The following ZNF862 variants were observed in gnomAD, a reference collection of about 807,000 sequenced individuals.
ZNF862 encodes the protein zinc finger protein 862.
A neutral mutation model predicts 91.1 loss-of-function variants in ZNF862; 64 were observed. That is an observed-to-expected ratio of 0.70 (90% CI 0.57 to 0.87). ZNF862 has a LOEUF of 0.87. Ranked by LOEUF, ZNF862 falls within the 40% of genes least tolerant of loss-of-function variation. ZNF862 has a pLI of 0.00. For synonymous variants in ZNF862, 631 were observed against 618.1 expected, an observed-to-expected ratio of 1.02 and a Z score of -0.31; for missense variants, 1,459 against 1,528.0, an observed-to-expected ratio of 0.95 and a Z score of 0.75.
At chr7:149,854,061 A>G (rs1802170104) in intron 5 of ZNF862, among the ~76,000 whole-genome samples, 1 of 152,106 alleles carries the variant, frequency 6.6e-6, no homozygotes, top group Admixed American at 6.5e-5. Flanking sequence ...TAAATAACGT[A>G]TGTGGACATT....
At chr7:149,860,349 A>T (rs527744461) in intron 6 of ZNF862, 34 bp from the exon 7 acceptor site, 220 of 1,572,432 alleles carry the variant, frequency 1.4e-4, no homozygotes, top group Middle Eastern at 8.5e-4. Context: ...AGTTCTGGGT[A>T]GCAGAACCAA....
rs968568302 is a variant in ZNF862 at position 149,855,174 on chromosome 7, G to A, written c.1118-4248G>A. Among the ~76,000 whole-genome samples, 14 of 152,338 alleles carry A rather than the reference G, an allele frequency of 9.2e-5. No homozygotes were observed. The highest frequency in any genetic ancestry group is 4.6e-4 in the Admixed American group (7 of 15,304). On this transcript the variant is annotated intron_variant, in intron 5 of 7. Transcript: ENST00000223210. This position sits in a 1 kb window ranked among gnomAD's most constrained non-coding sequence, Gnocchi z 4.1. ...ATACGTATAGACCCAGCAGGAGAGC[G>A]TGCCTGTGAGCTCACAAGCATGCTG... is the stretch of plus-strand genomic sequence containing the variant.
At position 149,862,500 on chromosome 7, in the gene ZNF862, T is replaced by TA; in HGVS notation, c.3334+7dup. 6.4e-7 allele frequency: 1 copy of TA among 1,574,368 alleles called. No homozygotes were observed. The highest frequency in any genetic ancestry group is 1.2e-5 in the South Asian group (1 of 86,170). On this transcript the variant is annotated splice_region_variant and intron_variant, in intron 7 of 7. Coordinates refer to ENST00000223210, the MANE Select transcript of ZNF862 (RefSeq NM_001099220.3). ...GCCAGCCCGCTCCCCTGCAAGTAAG[T>TA]ACACGTGGCAGAGCTCCCCCAAGGC...
intron 5 of ZNF862, among the ~76,000 whole-genome samples, chr7:149,854,790 C>G (rs1802200065): frequency 6.6e-6 from 1 of 152,258 alleles, no homozygotes; most frequent in South Asian, 2.1e-4. Flanking sequence ...CCTCCGTGCT[C>G]AGGCCGGCAG....
intron 5 of ZNF862, among the ~76,000 whole-genome samples, chr7:149,854,561 T>G (rs1483458954): frequency 6.6e-6 from 1 of 152,224 alleles, no homozygotes; most frequent in Non-Finnish European, 1.5e-5. Flanking sequence ...TCATGTATTA[T>G]CTCACAACTC....
Position 149,860,958 on chromosome 7 carries a change from ACTCAG to A in ZNF862, c.1799_1803del (p.Thr600IlefsTer64). The A allele has an allele frequency of 6.2e-7, 1 of 1,613,720 alleles. No individual in the cohort carries two copies. The highest frequency in any genetic ancestry group is 1.7e-5 in the Admixed American group (1 of 59,994). ...CAAGTACCGCAATCGCACGGCGTGC[ACTCAG>A]TTCATCAAGTACATCTCAGAGACCC... is the stretch of plus-strand genomic sequence containing the variant. On this transcript the variant is annotated frameshift_variant, in exon 7 of 8. Coordinates refer to ENST00000223210, the MANE Select transcript of ZNF862 (RefSeq NM_001099220.3). LOFTEE classifies it high-confidence loss of function.
Position 149,850,048 on chromosome 7 carries a change from T to C in ZNF862, c.940-113T>C. 1 of 1,083,710 alleles carries C rather than the reference T, an allele frequency of 9.2e-7. No homozygotes were observed. Among genetic ancestry groups the C allele is most frequent in the Non-Finnish European group, 1.4e-6 (1 of 734,690 alleles). 67.1% of individuals were successfully genotyped at this position (1,083,710 alleles called of 1,614,324 possible). The stretch of plus-strand genomic sequence containing the variant: ...ATAAATTAATTCCTCTGAGTGCATC[T>C]GGGCCTCTTGGTGAGCTTCCCAGGA... On this transcript the variant is annotated intron_variant, in intron 4 of 7. Coordinates refer to ENST00000223210, the MANE Select transcript of ZNF862 (RefSeq NM_001099220.3). The surrounding 1 kb of genome is among the most constrained non-coding windows in gnomAD (Gnocchi z 4.2).
Position 149,864,341 on chromosome 7 carries a change from C to A in ZNF862, c.*57C>A. ...ACGCCTCTGTGATCACTGGGACAGGCTCTGCAGATTCTAGGCTGCCCTAGG... is the reference window on the plus strand; with the variant it reads ...ACGCCTCTGTGATCACTGGGACAGGATCTGCAGATTCTAGGCTGCCCTAGG... On this transcript the variant is annotated 3_prime_UTR_variant, in exon 8 of 8. Transcript: ENST00000223210. 1 of 1,509,476 alleles carries A rather than the reference C, an allele frequency of 6.6e-7. No individual in the cohort carries two copies. Among genetic ancestry groups the A allele is most frequent in the South Asian group, 1.3e-5 (1 of 78,994 alleles). The allele number at this position is 1,509,476 out of a possible 1,614,324, so 93.5% of individuals were successfully genotyped here.
At chr7:149,857,237 A>T (rs1337857611) in intron 5 of ZNF862, among the ~76,000 whole-genome samples, 1 of 151,948 alleles carries the variant, frequency 6.6e-6, no homozygotes, top group Non-Finnish European at 1.5e-5. Flanking sequence ...TCTTTCTTCC[A>T]GAAATTCCTT....
chr7:149,854,399 A>G (rs1245341024), intron 5 of ZNF862, among the ~76,000 whole-genome samples: 1 of 152,244 alleles, frequency 6.6e-6, no homozygotes, highest in Non-Finnish European at 1.5e-5. Context: ...GCTGGGCTAT[A>G]GAGACATTTT....
At chr7:149,860,360 G>A in intron 6 of ZNF862, 23 bp from the exon 7 acceptor site, 1 of 1,590,104 alleles carries the variant, frequency 6.3e-7, no homozygotes, top group Non-Finnish European at 8.6e-7. Context: ...GCAGAACCAA[G>A]CATGATTCAA....
At chr7:149,851,129 ACT>A (rs1174911443) in intron 5 of ZNF862, among the ~76,000 whole-genome samples, 2 of 152,106 alleles carry the variant, frequency 1.3e-5, no homozygotes, top group South Asian at 2.1e-4. Flanking sequence ...AGACAGTCTC[ACT>A]CTGTCGCCCA....
Position 149,860,000 on chromosome 7 carries a change from G to T in ZNF862, c.1223-383G>T, listed in dbSNP as rs187291986. ...CTGAGGCTTGTAAAAGCCTTGGCAG[G>T]TGTTTAACCTATTCTATTGTGGAGC... On this transcript the variant is annotated intron_variant, in intron 6 of 7. Transcript: ENST00000223210. The T allele has an allele frequency of 6.0e-4, 165 of 275,028 alleles. 2 individuals are homozygous for T. The highest frequency in any genetic ancestry group is 3.5e-3 in the African/African-American group (156 of 45,152). The allele number at this position is 275,028 out of a possible 1,614,324, so 17.0% of individuals were successfully genotyped here. A position where few individuals can be genotyped will look rare whatever the true frequency, so the allele number is the denominator to read the frequency against.
Position 149,838,637 on chromosome 7 carries a change from T to C in ZNF862, c.24+2T>C. Reference sequence around the variant, plus strand: ...ATGGAGCCCAGAGAGTCGGGGAAGGTAGGACTGGAAGGCCCGGGGGCCGCC... The same window carrying C: ...ATGGAGCCCAGAGAGTCGGGGAAGGCAGGACTGGAAGGCCCGGGGGCCGCC... On this transcript the variant is annotated splice_donor_variant, in intron 1 of 7. Transcript: ENST00000223210. LOFTEE classifies it high-confidence loss of function. The C allele has an allele frequency of 8.2e-7, 1 of 1,226,642 alleles. No homozygotes were observed. The highest frequency in any genetic ancestry group is 1.0e-6 in the Non-Finnish European group (1 of 979,086). 76.0% of individuals were successfully genotyped at this position (1,226,642 alleles called of 1,614,324 possible). A position where few individuals can be genotyped will look rare whatever the true frequency, so the allele number is the denominator to read the frequency against.
In ZNF862 at chr7:149,846,190, G is replaced by C. The variant is rs920259744; in HGVS notation, c.176G>C (p.Gly59Ala). 2 of 1,613,740 alleles carry C rather than the reference G, an allele frequency of 1.2e-6. No homozygotes were observed. Among genetic ancestry groups the C allele is most frequent in the Non-Finnish European group, 1.7e-6 (2 of 1,179,844 alleles). Residue 59 changes from glycine to alanine, a missense_variant, in exon 3 of 8, where the codon GGA (glycine) becomes GCA (alanine). By Grantham distance (60) the Gly-to-Ala change is moderately conservative (BLOSUM62 0). Transcript: ENST00000223210. ...AATCCTGAGCTGTTCCGCAAGTTCG[G>C]ACGAGGGCCAGAGCCATGGCTTGGC... ...VANPELFRKFGRGPEPWLGSV... is the reference protein window; with the variant it reads ...VANPELFRKFARGPEPWLGSV...
chr7:149,854,711 TCTC>T (rs1383315483), intron 5 of ZNF862, among the ~76,000 whole-genome samples: 2 of 152,322 alleles, frequency 1.3e-5, no homozygotes, highest in Non-Finnish European at 2.9e-5. Context: ...TCCTTGCGGT[TCTC>T]CTGCTGCCTG....
Position 149,861,548 on chromosome 7 carries a change from G to A in ZNF862, c.2388G>A (p.Thr796=), listed in dbSNP as rs1371882778. The A allele has an allele frequency of 3.1e-6, 5 of 1,597,702 alleles. No individual in the cohort carries two copies. Among genetic ancestry groups the A allele is most frequent in the Admixed American group, 3.5e-5 (2 of 57,726 alleles). ...GCTGGGTGGCCAGCAGGAGGCGCAC[G>A]CTGCACGCGCTGCTCGTGAGCTGGC... ...AVRWVASRRR[T]LHALLVSWPA... is the part of the protein sequence containing the mutation. Residue 796 remains threonine (T), a synonymous_variant, in exon 7 of 8, where the codon ACG becomes ACA. Coordinates refer to ENST00000223210, the MANE Select transcript of ZNF862 (RefSeq NM_001099220.3). This position sits in a 1 kb window ranked among gnomAD's most constrained non-coding sequence, Gnocchi z 6.7.
intron 2 of ZNF862, among the ~76,000 whole-genome samples, chr7:149,845,795 C>T (rs773183892): frequency 1.3e-5 from 2 of 152,180 alleles, no homozygotes; most frequent in Non-Finnish European, 2.9e-5. Context: ...TGTTCCCTTA[C>T]GTCTTGCAGG....
chr7:149,863,289 T>C (rs1802583967), intron 7 of ZNF862, among the ~76,000 whole-genome samples: 1 of 145,950 alleles, frequency 6.9e-6, no homozygotes, highest in Non-Finnish European at 1.5e-5. Flanking sequence ...GGAGCAGTGC[T>C]CTCTCTCCTC....
Sources: allele counts gnomAD v4.1 joint callset (sites outside exome capture counted in the v4.1 genomes callset), GRCh38; gene constraint gnomAD v4.1.1; non-coding constraint Gnocchi (gnomAD v3.1); transcripts MANE v1.5; gene names NCBI Gene and HGNC (gene_info 2026-07-23, HGNC 2026-07-21).